TAFA5: variants seen among roughly 807,000 people sequenced by gnomAD.
TAFA5 encodes the protein TAFA chemokine like family member 5.
In TAFA5, 6 loss-of-function variants were observed where a neutral mutation model predicts 15.3. That is an observed-to-expected ratio of 0.39 (90% CI 0.21 to 0.77). The LOEUF is 0.77. TAFA5 is among the 30% of genes least tolerant of loss of function. The pLI is 0.41. For missense variants in TAFA5, 161 were observed against 193.1 expected (o/e 0.83, Z 0.98); for synonymous variants, 103 against 80.7 (o/e 1.28, Z -1.48).
intron 2 of TAFA5, among the ~76,000 whole-genome samples, chr22:48,686,652 AT>A (rs1928362883): frequency 6.6e-6 from 1 of 151,742 alleles, no homozygotes; most frequent in African/African-American, 2.4e-5. Context: ...GGACAGGTGG[AT>A]TGATGGATGG....
chr22:48,749,989 G>C lies in TAFA5; in HGVS notation c.*142G>C. The stretch of plus-strand genomic sequence containing the variant: ...CGTTTCCCTGTGGTCCGTGAAGGAC[G>C]GCCTCAGGCCTTGGCATCCTGAGCT... On this transcript the variant is annotated 3_prime_UTR_variant, in exon 4 of 4. Coordinates refer to ENST00000402357, the MANE Select transcript of TAFA5 (RefSeq NM_001082967.3). 1.2e-6 allele frequency: 1 copy of C among 818,614 alleles called. No individual in the cohort carries two copies. The highest frequency in any genetic ancestry group is 2.0e-6 in the Non-Finnish European group (1 of 510,610). The allele number at this position is 818,614 out of a possible 1,614,324, so 50.7% of individuals were successfully genotyped here.
chr22:48,502,545 G>T (rs1920958573), intron 1 of TAFA5, among the ~76,000 whole-genome samples: 3 of 142,524 alleles, frequency 2.1e-5, no homozygotes, highest in Non-Finnish European at 3.0e-5. Context: ...TTTTTGAGAT[G>T]GAGTCCGACT....
At chr22:48,632,461 T>C (rs1178162368) in intron 1 of TAFA5, among the ~76,000 whole-genome samples, 2 of 150,322 alleles carry the variant, frequency 1.3e-5, no homozygotes, top group African/African-American at 5.0e-5. Context: ...AGTTACACCC[T>C]GAGGTCCACC....
rs1241024902 is a variant in TAFA5, at chr22:48,735,255, C to T, written c.391-14584C>T. On this transcript the variant is annotated intron_variant, in intron 3 of 3. Coordinates refer to ENST00000402357, the MANE Select transcript of TAFA5 (RefSeq NM_001082967.3). ...CCCTGATCTCCTCTAGCCACCCCGA[C>T]TGACCTCAGAACCTCAAACGTAGGA... 2.6e-5 allele frequency among the ~76,000 whole-genome samples: 4 copies of T among 152,230 alleles called. No individual in the cohort carries two copies. The East Asian group carries it at 7.7e-4, about 29-fold the overall frequency.
chr22:48,750,211 C>T lies in TAFA5; in HGVS notation c.*364C>T. The T allele has an allele frequency of 2.8e-6, 1 of 358,988 alleles. No individual in the cohort carries two copies. 22.2% of individuals were successfully genotyped at this position (358,988 alleles called of 1,614,324 possible). A position where few individuals can be genotyped will look rare whatever the true frequency, so the allele number is the denominator to read the frequency against. On this transcript the variant is annotated 3_prime_UTR_variant, in exon 4 of 4. Coordinates refer to ENST00000402357, the MANE Select transcript of TAFA5 (RefSeq NM_001082967.3). ...CCACAGAAGGCTGCAGCCCAGCCCG[C>T]CTGAGACACGACGCCTGCCCCAGGG...
chr22:48,576,406 C>G (rs1354027452), intron 1 of TAFA5: 45 of 1,244,550 alleles, frequency 3.6e-5, no homozygotes, highest in Non-Finnish European at 4.3e-5. Context: ...GAGGCTGCAC[C>G]CGGCGGGGCG....
In TAFA5 at chr22:48,656,201, T is replaced by C. The variant is rs149222107; in HGVS notation, c.262+9455T>C. Among the ~76,000 whole-genome samples, 29 of 152,196 alleles carry C rather than the reference T, an allele frequency of 1.9e-4. No homozygotes were observed. In the East Asian group the frequency reaches 2.3e-3, roughly 12 times the overall value. The stretch of plus-strand genomic sequence containing the variant: ...CTAGAGTCTGCTAGAACCACCCTTG[T>C]GGTATACTGGAACTGGCTTGCACCA... On this transcript the variant is annotated intron_variant, in intron 2 of 3. Coordinates refer to ENST00000402357, the MANE Select transcript of TAFA5 (RefSeq NM_001082967.3).
rs189888074 is a variant in TAFA5 at position 48,541,347 on chromosome 22, C to A, written c.112+51643C>A. 1.0e-3 allele frequency among the ~76,000 whole-genome samples: 152 copies of A among 152,270 alleles called. 1 individual carries two copies. The highest frequency in any genetic ancestry group is 3.6e-3 in the African/African-American group (150 of 41,566). On this transcript the variant is annotated intron_variant, in intron 1 of 3. Transcript: ENST00000402357. ...GGGTGTTTGTGCAGGTACTTGGAGA[C>A]CCCAGAACCCTGTACCCTTTGGAGC...
chr22:48,726,019 T>A (rs995960192), intron 3 of TAFA5, among the ~76,000 whole-genome samples: 1 of 152,150 alleles, frequency 6.6e-6, no homozygotes, highest in African/African-American at 2.4e-5. Context: ...GTGATAACCA[T>A]CCAGGGAATA....
At chr22:48,585,636 C>G (rs1246671299) in intron 1 of TAFA5, among the ~76,000 whole-genome samples, 1 of 150,268 alleles carries the variant, frequency 6.7e-6, no homozygotes, top group African/African-American at 2.5e-5. Context: ...CACTAGACAT[C>G]ACACACACAC....
chr22:48,629,557 G>A (rs989471047), intron 1 of TAFA5, among the ~76,000 whole-genome samples: 6 of 152,232 alleles, frequency 3.9e-5, no homozygotes, highest in Admixed American at 1.3e-4. Flanking sequence ...TCTTAAGATT[G>A]GGGTGGGCAC....
At chr22:48,675,996 G>A (rs535477984) in intron 2 of TAFA5, among the ~76,000 whole-genome samples, 20 of 152,400 alleles carry the variant, frequency 1.3e-4, no homozygotes, top group African/African-American at 4.8e-4. Context: ...GCTGCCTCCA[G>A]AAGGCTGCTG....
rs537120611 is a variant in TAFA5, at chr22:48,645,775, C to T, written c.113-822C>T. ...CCTGTGTCTGCATGGGCACGTGCAC[C>T]CCTGGGGAGCATGTCCTCATGTGCT... On this transcript the variant is annotated intron_variant, in intron 1 of 3. Transcript: ENST00000402357. Among the ~76,000 whole-genome samples the T allele has an allele frequency of 9.9e-5, 15 of 152,150 alleles. No homozygotes were observed. In the South Asian group the frequency reaches 2.7e-3, roughly 27 times the overall value.
At chr22:48,592,671 C>CT (rs1924615243) in intron 1 of TAFA5, among the ~76,000 whole-genome samples, 1 of 152,142 alleles carries the variant, frequency 6.6e-6, no homozygotes, top group Non-Finnish European at 1.5e-5. Context: ...CCCTCACTCC[C>CT]TCCTCTCAGT....
intron 3 of TAFA5, among the ~76,000 whole-genome samples, chr22:48,733,428 A>ACGGG: frequency 6.6e-6 from 1 of 152,174 alleles, no homozygotes; most frequent in Non-Finnish European, 1.5e-5. Flanking sequence ...TGGAACCCTC[A>ACGGG]CAGGCAAGTT....
chr22:48,582,504 A>G (rs1924096477), intron 1 of TAFA5, among the ~76,000 whole-genome samples: 1 of 151,096 alleles, frequency 6.6e-6, no homozygotes, highest in South Asian at 2.1e-4. Context: ...CACACAAAAT[A>G]CACTACACAC....
chr22:48,661,079 A>T (rs1927422970), intron 2 of TAFA5, among the ~76,000 whole-genome samples: 1 of 152,144 alleles, frequency 6.6e-6, no homozygotes. Flanking sequence ...TGACCTTTGT[A>T]GGAACAAAGG....
rs577798909 is a variant in TAFA5, at chr22:48,649,080, C to G, written c.262+2334C>G. 4.0e-4 allele frequency among the ~76,000 whole-genome samples: 61 copies of G among 152,336 alleles called. No individual in the cohort carries two copies. The Middle Eastern group carries it at 0.01, about 25-fold the overall frequency. ...CAGGGCCCACTACCTGGACCCCTAACCCCTGAGGCCTTTATAGGAAGGGAA... is the reference window on the plus strand; with the variant it reads ...CAGGGCCCACTACCTGGACCCCTAAGCCCTGAGGCCTTTATAGGAAGGGAA... On this transcript the variant is annotated intron_variant, in intron 2 of 3. Transcript: ENST00000402357.
At position 48,560,570 on chromosome 22, in the gene TAFA5, A is replaced by T. The variant is rs1302433483; in HGVS notation, c.112+70866A>T. ...TGGGCCATGAAAAACGTTGTATTTT[A>T]TTATTATTATTATTATTATTATATT... On this transcript the variant is annotated intron_variant, in intron 1 of 3. Transcript: ENST00000402357. The surrounding 1 kb of genome is among the most constrained non-coding windows in gnomAD (Gnocchi z 4.2). Among the ~76,000 whole-genome samples, 8 of 108,300 alleles carry T rather than the reference A, an allele frequency of 7.4e-5. No homozygotes were observed. The highest frequency in any genetic ancestry group is 1.1e-4 in the Non-Finnish European group (6 of 53,432). The allele number at this position is 108,300 out of a possible 152,430, so 71.0% of individuals were successfully genotyped here. A position where few individuals can be genotyped will look rare whatever the true frequency, so the allele number is the denominator to read the frequency against.
Sources: allele counts gnomAD v4.1 joint callset (sites outside exome capture counted in the v4.1 genomes callset), GRCh38; gene constraint gnomAD v4.1.1; non-coding constraint Gnocchi (gnomAD v3.1); transcripts MANE v1.5; gene names NCBI Gene and HGNC (gene_info 2026-07-23, HGNC 2026-07-21).